The following SATB1 variants were observed in gnomAD, a reference collection of about 807,000 sequenced individuals.
SATB1 encodes the protein SATB homeobox 1.
A neutral mutation model predicts 86.9 loss-of-function variants in SATB1; 11 were observed. The ratio of observed to expected loss-of-function variants is 0.13; its 90% CI spans 0.08 to 0.21. The LOEUF is 0.21. Among genes scored for constraint, SATB1 ranks in the 10% least tolerant of loss-of-function variants. SATB1 has a pLI of 1.00. For synonymous variants in SATB1, 357 were observed against 357.2 expected (o/e 1.00, Z 0.01); for missense variants, 551 against 937.6 (o/e 0.59, Z 5.39).
chr3:18,397,793 A>T (rs1697041646), intron 5 of SATB1, among the ~76,000 whole-genome samples: 1 of 152,216 alleles, frequency 6.6e-6, no homozygotes, highest in African/African-American at 2.4e-5. Flanking sequence ...TAGCAGCTGA[A>T]TTTTACCAAG....
chr3:18,379,798 T>C (rs540589603), intron 8 of SATB1, among the ~76,000 whole-genome samples: 2 of 152,236 alleles, frequency 1.3e-5, no homozygotes, highest in Admixed American at 6.5e-5. Flanking sequence ...TGCTGGGAAA[T>C]AGTTGGCCCG....
intron 7 of SATB1, among the ~76,000 whole-genome samples, chr3:18,392,476 T>G (rs994150146): frequency 7.2e-5 from 11 of 152,068 alleles, no homozygotes; most frequent in African/African-American, 2.7e-4. Flanking sequence ...CTTCACTATA[T>G]AAAGGACACT....
rs1236664325 is a variant in SATB1 at position 18,346,524 on chromosome 3, T to C, written c.*2646A>G. The stretch of plus-strand genomic sequence containing the variant: ...GGCAAGTCTTTTCTAAAATGTGCCA[T>C]CTTCCCTGAAAACAATTTTGCTCAC... On this transcript the variant is annotated 3_prime_UTR_variant, in exon 11 of 11. Transcript: ENST00000338745. The C allele has an allele frequency of 2.0e-5, 3 of 152,068 alleles. No homozygotes were observed. Among genetic ancestry groups the C allele is most frequent in the East Asian group, 1.9e-4 (1 of 5,194 alleles). 9.4% of individuals were successfully genotyped at this position (152,068 alleles called of 1,614,324 possible). A position where few individuals can be genotyped will look rare whatever the true frequency, so the allele number is the denominator to read the frequency against.
Position 18,415,935 on chromosome 3 carries a change from A to C in SATB1, c.515+72T>G, listed in dbSNP as rs1348142564. ...ACTAAAAAAAAATTGAAGGTCGACC[A>C]GAGAGAAATGCTTCATTTCAAAAGA... On this transcript the variant is annotated intron_variant, in intron 4 of 10. Transcript: ENST00000338745. 5.0e-6 allele frequency: 7 copies of C among 1,407,770 alleles called. No individual in the cohort carries two copies. The East Asian group carries it at 1.7e-4, about 34-fold the overall frequency. 87.2% of individuals were successfully genotyped at this position (1,407,770 alleles called of 1,614,324 possible). A position where few individuals can be genotyped will look rare whatever the true frequency, so the allele number is the denominator to read the frequency against.
chr3:18,418,093 G>T (rs1288943296), intron 2 of SATB1, among the ~76,000 whole-genome samples: 1 of 152,110 alleles, frequency 6.6e-6, no homozygotes, highest in African/African-American at 2.4e-5. Flanking sequence ...ATTGTACTGT[G>T]GCAAACTGCC....
In SATB1 at chr3:18,352,269, G is replaced by A. The variant is rs1694403030; in HGVS notation, c.1576-74C>T. The stretch of plus-strand genomic sequence containing the variant: ...GGCATTTTCCATTAGGAGCTAAAAA[G>A]GAAAAACCCTATGAATTAACTTTTT... On this transcript the variant is annotated intron_variant, in intron 9 of 10. Coordinates refer to ENST00000338745, the MANE Select transcript of SATB1 (RefSeq NM_002971.6). The surrounding 1 kb of genome is among the most constrained non-coding windows in gnomAD (Gnocchi z 4.1). The A allele has an allele frequency of 5.3e-6, 7 of 1,310,314 alleles. No homozygotes were observed. The highest frequency in any genetic ancestry group is 1.9e-5 in the Admixed American group (1 of 52,600). 81.2% of individuals were successfully genotyped at this position (1,310,314 alleles called of 1,614,324 possible).
chr3:18,371,039 T>G (rs542963569), intron 9 of SATB1, among the ~76,000 whole-genome samples: 1 of 152,310 alleles, frequency 6.6e-6, no homozygotes, highest in Non-Finnish European at 1.5e-5. Flanking sequence ...CCTTATTATA[T>G]GACAGCATGC....
rs1391212818 is a variant in SATB1 at position 18,386,888 on chromosome 3, G to C, written c.1207-277C>G. Among the ~76,000 whole-genome samples the C allele has an allele frequency of 6.6e-6, 1 of 152,122 alleles. No homozygotes were observed. The highest frequency in any genetic ancestry group is 6.5e-5 in the Admixed American group (1 of 15,276). ...TTAACTTGCCATGAAATCTTTCACAGAGAGACGATCCAGGGAAGTTAAGAA... is the reference window on the plus strand; with the variant it reads ...TTAACTTGCCATGAAATCTTTCACACAGAGACGATCCAGGGAAGTTAAGAA... On this transcript the variant is annotated intron_variant, in intron 7 of 10. Transcript: ENST00000338745. This position sits in a 1 kb window ranked among gnomAD's most constrained non-coding sequence, Gnocchi z 4.5.
chr3:18,415,871 G>A, intron 4 of SATB1, 136 bp downstream of exon 4: 2 of 651,228 alleles, frequency 3.1e-6, no homozygotes, highest in Non-Finnish European at 4.7e-6. Context: ...GAAGGATAGG[G>A]TAACAAAATC....
At chr3:18,370,111 C>T (rs960967188) in intron 9 of SATB1, among the ~76,000 whole-genome samples, 4 of 152,110 alleles carry the variant, frequency 2.6e-5, no homozygotes, top group South Asian at 2.1e-4. Context: ...GCAGTTTTCC[C>T]GGCGTATTTG....
At chr3:18,361,665 C>T (rs1233416234) in intron 9 of SATB1, among the ~76,000 whole-genome samples, 1 of 152,046 alleles carries the variant, frequency 6.6e-6, no homozygotes, top group Non-Finnish European at 1.5e-5. Context: ...CTGTAAAACA[C>T]AAATGCCTTT....
At chr3:18,393,103 ACT>A (rs1487688539) in intron 7 of SATB1, among the ~76,000 whole-genome samples, 5 of 152,082 alleles carry the variant, frequency 3.3e-5, no homozygotes, top group African/African-American at 1.2e-4. Context: ...AGGTATGGAA[ACT>A]CTGCAAACTA....
chr3:18,359,347 A>G (rs1694798956), intron 9 of SATB1, among the ~76,000 whole-genome samples: 1 of 151,950 alleles, frequency 6.6e-6, no homozygotes, highest in African/African-American at 2.4e-5. Flanking sequence ...TTTAAAGAAT[A>G]TTTTCAGAGG....
At chr3:18,371,051 G>T (rs573402177) in intron 9 of SATB1, among the ~76,000 whole-genome samples, 1 of 152,310 alleles carries the variant, frequency 6.6e-6, no homozygotes, top group Admixed American at 6.5e-5. Flanking sequence ...ACAGCATGCT[G>T]CCTATGATCT....
At chr3:18,397,681 T>A (rs191975584) in intron 5 of SATB1, among the ~76,000 whole-genome samples, 3 of 152,328 alleles carry the variant, frequency 2.0e-5, no homozygotes, top group East Asian at 3.9e-4. Flanking sequence ...GGACTCTACA[T>A]CTTTTCTACT....
chr3:18,427,179 A>G (rs1408298910), upstream of SATB1, among the ~76,000 whole-genome samples: 1 of 152,224 alleles, frequency 6.6e-6, no homozygotes, highest in East Asian at 1.9e-4. Context: ...CTGAAGGAAG[A>G]TATGTTAGCT....
Position 18,393,426 on chromosome 3 carries a change from G to GA in SATB1, c.1206+1035dup, listed in dbSNP as rs1286926188. On this transcript the variant is annotated intron_variant, in intron 7 of 10. Transcript: ENST00000338745. The stretch of plus-strand genomic sequence containing the variant: ...CGTATCATACTAGTTTCCAAACAAA[G>GA]AAAAAAATTCTTCTCATTCACAGTT... Among the ~76,000 whole-genome samples, 3 of 152,086 alleles carry GA rather than the reference G, an allele frequency of 2.0e-5. No homozygotes were observed. The East Asian group carries it at 5.8e-4, about 29-fold the overall frequency.
rs1696333811 is a variant in SATB1 at position 18,386,209 on chromosome 3, T to C, written c.1419+190A>G. ...GAACACAAAGCAATTTTCTTCCCTC[T>C]ATCTAATTAGGAGCTTATTGTTTTT... On this transcript the variant is annotated intron_variant, in intron 8 of 10. Coordinates refer to ENST00000338745, the MANE Select transcript of SATB1 (RefSeq NM_002971.6). This position sits in a 1 kb window ranked among gnomAD's most constrained non-coding sequence, Gnocchi z 4.5. Among the ~76,000 whole-genome samples the C allele has an allele frequency of 6.6e-6, 1 of 152,190 alleles. No individual in the cohort carries two copies. Among genetic ancestry groups the C allele is most frequent in the African/African-American group, 2.4e-5 (1 of 41,448 alleles).
rs1694447801 is a variant in SATB1 at position 18,352,970 on chromosome 3, T to C, written c.1576-775A>G. 6.6e-6 allele frequency: 1 copy of C among 152,236 alleles called. No homozygotes were observed. Among genetic ancestry groups the C allele is most frequent in the South Asian group, 2.1e-4 (1 of 4,822 alleles). 9.4% of individuals were successfully genotyped at this position (152,236 alleles called of 1,614,324 possible). ...TACCCTGAGGTTATCTATCAAGAACTGAATGATCATGAAGAATATATTTTC... is the reference window on the plus strand; with the variant it reads ...TACCCTGAGGTTATCTATCAAGAACCGAATGATCATGAAGAATATATTTTC... On this transcript the variant is annotated intron_variant, in intron 9 of 10. Transcript: ENST00000338745. This position sits in a 1 kb window ranked among gnomAD's most constrained non-coding sequence, Gnocchi z 4.1.
Sources: gnomAD v4.1 joint callset for allele counts (sites outside exome capture counted in the v4.1 genomes callset) on GRCh38, gnomAD v4.1.1 for gene constraint, Gnocchi (gnomAD v3.1) non-coding constraint, MANE v1.5 for transcripts, NCBI Gene and HGNC (gene_info 2026-07-23, HGNC 2026-07-21) for gene names.